ERCC1: variants seen among roughly 807,000 people sequenced by gnomAD.
ERCC1 encodes ERCC excision repair 1, endonuclease non-catalytic subunit, also known as DNA excision repair protein ERCC-1.
A neutral mutation model predicts 37.6 loss-of-function variants in ERCC1; 36 were observed. The observed-to-expected ratio is 0.96, with a 90% CI of 0.73 to 1.26. ERCC1 has a LOEUF of 1.26. Ranked by LOEUF, ERCC1 falls within the 50% of genes most tolerant of loss-of-function variation. ERCC1 has a pLI of 0.00. For synonymous variants in ERCC1, 156 were observed against 162.1 expected, an observed-to-expected ratio of 0.96 and a Z score of 0.28; for missense variants, 349 against 376.5, an observed-to-expected ratio of 0.93 and a Z score of 0.60.
upstream of ERCC1, among the ~76,000 whole-genome samples, chr19:45,425,572 G>A (rs1158355643): frequency 1.3e-5 from 2 of 151,862 alleles, no homozygotes; most frequent in African/African-American, 4.8e-5. Context: ...GTTTCACCAT[G>A]TTGGCCCTGC....
intron 1 of ERCC1, among the ~76,000 whole-genome samples, chr19:45,434,498 AAG>A (rs1468909301): frequency 6.6e-6 from 1 of 152,192 alleles, no homozygotes; most frequent in Non-Finnish European, 1.5e-5. Context: ...TCTCAAAAAA[AAG>A]AAAAGAGAAT....
intron 1 of ERCC1, among the ~76,000 whole-genome samples, chr19:45,451,022 CG>C (rs906483557): frequency 2.0e-5 from 3 of 151,526 alleles, no homozygotes; most frequent in African/African-American, 7.3e-5. Context: ...AGGACCGGCC[CG>C]GGCGGACAGA....
At chr19:45,429,704 T>C (rs1974787104) in intron 1 of ERCC1, among the ~76,000 whole-genome samples, 1 of 152,138 alleles carries the variant, frequency 6.6e-6, no homozygotes, top group South Asian at 2.1e-4. Flanking sequence ...TTCCCTAGAA[T>C]GTTCTTCCTT....
chr19:45,408,688 G>A lies in ERCC1; in HGVS notation c.*987C>T. 6.2e-7 allele frequency: 1 copy of A among 1,613,930 alleles called. No individual in the cohort carries two copies. The highest frequency in any genetic ancestry group is 8.5e-7 in the Non-Finnish European group (1 of 1,179,994). The stretch of plus-strand genomic sequence containing the variant: ...CAGAGCCCACAGTGGAGACACTGGA[G>A]CCTCTGGGAGTGCTGTTCCCGTCCA... On this transcript the variant is annotated 3_prime_UTR_variant, in exon 10 of 10. Transcript: ENST00000300853.
chr19:45,443,648 C>T (rs755015299), intron 1 of ERCC1, among the ~76,000 whole-genome samples: 4 of 152,142 alleles, frequency 2.6e-5, no homozygotes, highest in Admixed American at 2.0e-4. Flanking sequence ...GGTTACACAA[C>T]CCGTCGTCGC....
Position 45,420,543 on chromosome 19 carries a change from GCCTCCTCGCACCTCTTCCCACACCTCCTC to G in ERCC1, c.322-145_322-117del, listed in dbSNP as rs1484264705. 12 of 720,384 alleles carry G rather than the reference GCCTCCTCGCACCTCTTCCCACACCTCCTC, an allele frequency of 1.7e-5. No homozygotes were observed. The highest frequency in any genetic ancestry group is 2.3e-4 in the Middle Eastern group (1 of 4,352). The allele number at this position is 720,384 out of a possible 1,614,324, so 44.6% of individuals were successfully genotyped here. On this transcript the variant is annotated intron_variant, in intron 3 of 9. Transcript: ENST00000300853. This position sits in a 1 kb window ranked among gnomAD's most constrained non-coding sequence, Gnocchi z 4.8. Reference sequence around the variant, plus strand: ...CCTCCCACCTCTTCCCACACCTCCTGCCTCCTCGCACCTCTTCCCACACCTCCTCCCTCCTCCCACCTGTGGCAGGGTCT... The same window carrying G: ...CCTCCCACCTCTTCCCACACCTCCTGCCTCCTCCCACCTGTGGCAGGGTCT...
chr19:45,422,760 A>T (rs577401834), intron 2 of ERCC1, among the ~76,000 whole-genome samples: 15 of 151,974 alleles, frequency 9.9e-5, no homozygotes, highest in African/African-American at 2.4e-4. Context: ...CTGTCTCAAA[A>T]AAATAAATAA....
chr19:45,413,850 G>A (rs1973884520), intron 8 of ERCC1, 105 bp from the exon 9 acceptor site: 2 of 1,587,232 alleles, frequency 1.3e-6, no homozygotes, highest in Non-Finnish European at 1.7e-6. Flanking sequence ...AGGGCCTGTG[G>A]GAAGGCAGGA....
At chr19:45,449,081 C>T (rs1372729668) in intron 1 of ERCC1, 1 of 152,220 alleles carries the variant, frequency 6.6e-6, no homozygotes, top group East Asian at 1.9e-4. Context: ...ACCCCTCGCC[C>T]AGGACCTTTA....
At chr19:45,447,912 C>G (rs1422489697) in intron 1 of ERCC1, among the ~76,000 whole-genome samples, 2 of 150,884 alleles carry the variant, frequency 1.3e-5, no homozygotes, top group African/African-American at 4.9e-5. Flanking sequence ...TGCTCTGTCA[C>G]CCAGGCTGGA....
rs1568572608 is a variant in ERCC1 at position 45,409,687 on chromosome 19, C to T, written c.882G>A (p.Leu294=). The change falls in exon 10 of 10, where the codon TTG becomes TTA. Residue 294 remains leucine (L), a synonymous_variant. Coordinates refer to ENST00000300853, the MANE Select transcript of ERCC1 (RefSeq NM_001983.4). The stretch of plus-strand genomic sequence containing the variant: ...GCAGCTGGGGTCATCAGGGTACTTT[C>T]AAGAAGGGCTCGTGCAGGACATCAA... ...RLFDVLHEPF[L]KVP 9.4e-7 allele frequency: 1 copy of T among 1,061,698 alleles called. No individual in the cohort carries two copies. The highest frequency in any genetic ancestry group is 1.5e-6 in the Non-Finnish European group (1 of 675,946). 65.8% of individuals were successfully genotyped at this position (1,061,698 alleles called of 1,614,324 possible). A position where few individuals can be genotyped will look rare whatever the true frequency, so the allele number is the denominator to read the frequency against.
chr19:45,413,661 T>C lies in ERCC1; in HGVS notation c.843+16A>G. ...TCCTTCCCCCAACTCCTTGGGTTCT[T>C]TCCCAGAGCTCTTACTTTCTGAGGG... On this transcript the variant is annotated intron_variant, in intron 9 of 9. Transcript: ENST00000300853. The C allele has an allele frequency of 1.2e-6, 2 of 1,614,234 alleles. No homozygotes were observed. The highest frequency in any genetic ancestry group is 1.7e-6 in the Non-Finnish European group (2 of 1,180,048).
chr19:45,412,778 T>C (rs1973821951), intron 9 of ERCC1, among the ~76,000 whole-genome samples: 1 of 151,940 alleles, frequency 6.6e-6, no homozygotes, highest in Non-Finnish European at 1.5e-5. Flanking sequence ...TCACTCTTAT[T>C]GTCCAGGCTG....
chr19:45,422,394 C>T (rs1974490063), intron 2 of ERCC1, among the ~76,000 whole-genome samples: 1 of 152,086 alleles, frequency 6.6e-6, no homozygotes, highest in African/African-American at 2.4e-5. Flanking sequence ...CCCCAGATGT[C>T]GCCATGGCTC....
Position 45,409,666 on chromosome 19 carries a change from C to G in ERCC1, c.*9G>C, listed in dbSNP as rs2229918. On this transcript the variant is annotated 3_prime_UTR_variant, in exon 10 of 10. Coordinates refer to ENST00000300853, the MANE Select transcript of ERCC1 (RefSeq NM_001983.4). The stretch of plus-strand genomic sequence containing the variant: ...ATTACACTGGGGGTTTCCTTGGCAG[C>G]TGGGGTCATCAGGGTACTTTCAAGA... 5.5e-3 allele frequency: 7,103 copies of G among 1,289,254 alleles called. 24 individuals carry two copies. Among genetic ancestry groups the G allele is most frequent in the Non-Finnish European group, 6.8e-3 (6,022 of 884,374 alleles). The allele number at this position is 1,289,254 out of a possible 1,614,324, so 79.9% of individuals were successfully genotyped here. A position where few individuals can be genotyped will look rare whatever the true frequency, so the allele number is the denominator to read the frequency against.
chr19:45,423,657 T>G, intron 1 of ERCC1, 124 bp downstream of exon 1: 1 of 1,286,782 alleles, frequency 7.8e-7, no homozygotes, highest in East Asian at 3.2e-5. Flanking sequence ...CGCCTTCCGT[T>G]CGTCCGGCCC....
intron 1 of ERCC1, among the ~76,000 whole-genome samples, chr19:45,432,314 T>G (rs976572298): frequency 1.0e-3 from 142 of 136,096 alleles, no homozygotes; most frequent in Non-Finnish European, 1.5e-3. Flanking sequence ...ATTATTATTA[T>G]TAGTTATTTT....
chr19:45,423,663 G>A (rs1462543891), intron 1 of ERCC1, 118 bp downstream of exon 1: 1 of 1,267,794 alleles, frequency 7.9e-7, no homozygotes, highest in Non-Finnish European at 1.0e-6. Context: ...CCGTTCGTCC[G>A]GCCCCCGAGG....
chr19:45,407,381 G>T lies in ERCC1; in HGVS notation c.*2294C>A, dbSNP rs1243194945. The T allele has an allele frequency of 8.5e-6, 6 of 707,892 alleles. No homozygotes were observed. In the East Asian group the frequency reaches 1.8e-4, roughly 21 times the overall value. The allele number at this position is 707,892 out of a possible 1,614,324, so 43.9% of individuals were successfully genotyped here. ...TTGGAAACTACTCCTTTACAGAGTA[G>T]AGTGTCCTCAGAAAGCAGGGGGAGA... is the stretch of plus-strand genomic sequence containing the variant. On this transcript the variant is annotated 3_prime_UTR_variant, in exon 10 of 10. Coordinates refer to ENST00000300853, the MANE Select transcript of ERCC1 (RefSeq NM_001983.4).
Sources: allele counts gnomAD v4.1 joint callset (sites outside exome capture counted in the v4.1 genomes callset), GRCh38; gene constraint gnomAD v4.1.1; non-coding constraint Gnocchi (gnomAD v3.1); transcripts MANE v1.5; gene names NCBI Gene and HGNC (gene_info 2026-07-23, HGNC 2026-07-21).